SLC35F1: variants seen among roughly 807,000 people sequenced by gnomAD.
The protein encoded by SLC35F1 is solute carrier family 35 member F1.
A neutral mutation model predicts 48.7 loss-of-function variants in SLC35F1; 14 were observed. That is an observed-to-expected ratio of 0.29 (90% CI 0.19 to 0.45). The LOEUF (loss-of-function observed/expected upper bound fraction) is 0.45. Ranked by LOEUF, SLC35F1 falls within the 20% of genes least tolerant of loss-of-function variation. The pLI is 1.00. For synonymous variants in SLC35F1, 190 were observed against 202.2 expected (o/e 0.94, Z 0.51); for missense variants, 404 against 500.0 (o/e 0.81, Z 1.83).
At chr6:117,969,314 G>T (rs984489681) in intron 1 of SLC35F1, among the ~76,000 whole-genome samples, 2 of 152,102 alleles carry the variant, frequency 1.3e-5, no homozygotes, top group Non-Finnish European at 2.9e-5. Flanking sequence ...AACAAACTTT[G>T]ATAGGAAGGT....
At chr6:118,233,255 G>A (rs954037321) in intron 2 of SLC35F1, among the ~76,000 whole-genome samples, 1 of 152,156 alleles carries the variant, frequency 6.6e-6, no homozygotes, top group South Asian at 2.1e-4. Flanking sequence ...GTGAGCCACC[G>A]CGCCCAGCCA....
In SLC35F1 at chr6:117,907,762, G is replaced by A; in HGVS notation, c.36G>A (p.Gln12=). ...CTGAGCAGCCGCAGCAGCAGCTGCAGCCGCCGTCGCCAGCCCCGCCGAACC... is the reference window on the plus strand; with the variant it reads ...CTGAGCAGCCGCAGCAGCAGCTGCAACCGCCGTCGCCAGCCCCGCCGAACC... ...IPPEQPQQQL[Q]PPSPAPPNHV... The change falls in exon 1 of 8, where the codon CAG becomes CAA. Residue 12 remains glutamine, a synonymous_variant. Transcript: ENST00000360388. 1 of 1,559,508 alleles carries A rather than the reference G, an allele frequency of 6.4e-7. No homozygotes were observed. Among genetic ancestry groups the A allele is most frequent in the South Asian group, 1.1e-5 (1 of 87,952 alleles).
chr6:118,315,896 A>G lies in SLC35F1; in HGVS notation c.*1644A>G, dbSNP rs570551416. The G allele has an allele frequency of 1.3e-5, 2 of 152,328 alleles. No individual in the cohort carries two copies. Among genetic ancestry groups the G allele is most frequent in the Admixed American group, 1.3e-4 (2 of 15,288 alleles). 9.4% of individuals were successfully genotyped at this position (152,328 alleles called of 1,614,324 possible). On this transcript the variant is annotated 3_prime_UTR_variant, in exon 8 of 8. Transcript: ENST00000360388. Reference sequence around the variant, plus strand: ...ACCTCTATTATTTAGAATAGATTCTATGTGTCAGTATGTGATGTACTCTTT... The same window carrying G: ...ACCTCTATTATTTAGAATAGATTCTGTGTGTCAGTATGTGATGTACTCTTT...
At chr6:118,121,083 A>G (rs1773546953) in intron 1 of SLC35F1, among the ~76,000 whole-genome samples, 1 of 152,192 alleles carries the variant, frequency 6.6e-6, no homozygotes, top group African/African-American at 2.4e-5. Context: ...GTAACAATGA[A>G]AAGAGGTTTA....
chr6:118,007,761 T>G (rs1185778795), intron 1 of SLC35F1, among the ~76,000 whole-genome samples: 1 of 152,146 alleles, frequency 6.6e-6, no homozygotes, highest in Admixed American at 6.6e-5. Context: ...GGTCCTCTGC[T>G]CAGGTTGGGC....
At chr6:118,197,034 A>G (rs957906428) in intron 2 of SLC35F1, among the ~76,000 whole-genome samples, 2 of 152,102 alleles carry the variant, frequency 1.3e-5, no homozygotes, top group African/African-American at 2.4e-5. Flanking sequence ...AAAAAAAAAA[A>G]AAGTACTTCT....
intron 1 of SLC35F1, among the ~76,000 whole-genome samples, chr6:117,940,800 C>T (rs974089513): frequency 2.6e-5 from 4 of 151,916 alleles, no homozygotes; most frequent in Non-Finnish European, 4.4e-5. Context: ...AAGCACATGC[C>T]GCCACACCCA....
intron 1 of SLC35F1, among the ~76,000 whole-genome samples, chr6:117,947,790 A>G (rs573857331): frequency 9.9e-5 from 15 of 152,242 alleles, no homozygotes; most frequent in African/African-American, 3.6e-4. Flanking sequence ...CAAGTTGTTG[A>G]GTAGGCAATT....
At chr6:118,279,389 G>A (rs1168591504) in intron 6 of SLC35F1, among the ~76,000 whole-genome samples, 1 of 152,118 alleles carries the variant, frequency 6.6e-6, no homozygotes, top group Non-Finnish European at 1.5e-5. Flanking sequence ...TTACACCAGG[G>A]CCTCCTTGGT....
chr6:118,165,508 G>A (rs1774303718), intron 2 of SLC35F1, among the ~76,000 whole-genome samples: 1 of 152,110 alleles, frequency 6.6e-6, no homozygotes, highest in Non-Finnish European at 1.5e-5. Flanking sequence ...AGAGCACTAG[G>A]GTACCAATCA....
intron 2 of SLC35F1, among the ~76,000 whole-genome samples, chr6:118,222,817 C>T (rs1775168215): frequency 6.6e-6 from 1 of 152,140 alleles, no homozygotes; most frequent in South Asian, 2.1e-4. Flanking sequence ...CCAGGTTGGC[C>T]ACTGAGTCCT....
rs1773671628 is a variant in SLC35F1, at chr6:118,129,043, T to TA, written c.174-25401dup. Among the ~76,000 whole-genome samples the TA allele has an allele frequency of 2.0e-5, 3 of 152,148 alleles. No individual in the cohort carries two copies. In the South Asian group the frequency reaches 6.2e-4, roughly 31 times the overall value. Reference sequence around the variant, plus strand: ...CATAGAATATTTATTGAGTGTCCCCTATGTGAGAGGCAAGGTGCTTGGAAG... The same window carrying TA: ...CATAGAATATTTATTGAGTGTCCCCTAATGTGAGAGGCAAGGTGCTTGGAAG... On this transcript the variant is annotated intron_variant, in intron 1 of 7. Coordinates refer to ENST00000360388, the MANE Select transcript of SLC35F1 (RefSeq NM_001029858.4).
chr6:118,103,805 G>A (rs1364365841), intron 1 of SLC35F1, among the ~76,000 whole-genome samples: 1 of 152,098 alleles, frequency 6.6e-6, no homozygotes, highest in Non-Finnish European at 1.5e-5. Flanking sequence ...TGATTGTTCA[G>A]GCAACCTTGA....
intron 1 of SLC35F1, among the ~76,000 whole-genome samples, chr6:118,046,826 T>C (rs997344611): frequency 2.6e-5 from 4 of 152,146 alleles, no homozygotes; most frequent in African/African-American, 9.7e-5. Flanking sequence ...TTGAAGCTAC[T>C]TGCCAAAAGT....
chr6:118,059,656 A>G (rs1450935326), intron 1 of SLC35F1, among the ~76,000 whole-genome samples: 1 of 152,180 alleles, frequency 6.6e-6, no homozygotes, highest in Non-Finnish European at 1.5e-5. Flanking sequence ...TGACTTCACA[A>G]TTCCTGAGGC....
chr6:118,063,572 C>T (rs1772573521), intron 1 of SLC35F1, among the ~76,000 whole-genome samples: 1 of 151,840 alleles, frequency 6.6e-6, no homozygotes, highest in Admixed American at 6.6e-5. Context: ...AGCCATCTTC[C>T]ACCCCCAATC....
At chr6:118,049,027 T>A (rs540845876) in intron 1 of SLC35F1, among the ~76,000 whole-genome samples, 1 of 152,018 alleles carries the variant, frequency 6.6e-6, no homozygotes, top group Non-Finnish European at 1.5e-5. Context: ...TATAGATCAA[T>A]GGAACAGAAC....
chr6:118,220,954 T>C (rs555058327), intron 2 of SLC35F1, among the ~76,000 whole-genome samples: 123 of 152,306 alleles, frequency 8.1e-4, no homozygotes, highest in African/African-American at 2.9e-3. Context: ...ATATCTGTGC[T>C]TCCCAACATG....
At chr6:117,908,013 G>C (rs1352244354) in intron 1 of SLC35F1, 114 bp downstream of exon 1, 3 of 984,784 alleles carry the variant, frequency 3.0e-6, no homozygotes, top group Non-Finnish European at 2.6e-6. Context: ...GTTGCGGCCG[G>C]AGGAGACTGA....
Sources: gnomAD v4.1 joint callset for allele counts (sites outside exome capture counted in the v4.1 genomes callset) on GRCh38, gnomAD v4.1.1 for gene constraint, MANE v1.5 for transcripts, NCBI Gene and HGNC (gene_info 2026-07-23, HGNC 2026-07-21) for gene names.